ADCY8: variants seen among roughly 807,000 people sequenced by gnomAD.
The protein encoded by ADCY8 is adenylate cyclase type 8.
ADCY8 carries 51 observed loss-of-function variants against 119.7 expected under a neutral mutation model. The observed-to-expected ratio is 0.43, with a 90% CI of 0.34 to 0.54. The LOEUF (loss-of-function observed/expected upper bound fraction) is 0.54. Ranked by LOEUF, ADCY8 falls within the 20% of genes least tolerant of loss-of-function variation. ADCY8 has a pLI of 0.03. For synonymous variants in ADCY8, 665 were observed against 651.0 expected, an observed-to-expected ratio of 1.02 and a Z score of -0.33; for missense variants, 1,383 against 1,598.8, an observed-to-expected ratio of 0.87 and a Z score of 2.30.
At chr8:130,793,938 T>G (rs1221418684) in intron 15 of ADCY8, among the ~76,000 whole-genome samples, 4 of 152,178 alleles carry the variant, frequency 2.6e-5, no homozygotes, top group African/African-American at 9.7e-5. Flanking sequence ...AATAAGTTTT[T>G]TGCAGAGTAA....
intron 2 of ADCY8, among the ~76,000 whole-genome samples, chr8:130,990,024 G>GA (rs113728874): frequency 7.2e-5 from 11 of 151,836 alleles, no homozygotes; most frequent in South Asian, 2.1e-4. Flanking sequence ...TTGGTAAACA[G>GA]AAAAAAAATG....
chr8:130,832,539 A>G (rs963129956), intron 12 of ADCY8, among the ~76,000 whole-genome samples: 3 of 152,198 alleles, frequency 2.0e-5, no homozygotes, highest in Non-Finnish European at 4.4e-5. Flanking sequence ...GATTTATAAT[A>G]CAGCTGAGAT....
At chr8:131,035,329 C>T (rs1032416701) in intron 1 of ADCY8, among the ~76,000 whole-genome samples, 6 of 152,090 alleles carry the variant, frequency 3.9e-5, no homozygotes, top group South Asian at 2.1e-4. Context: ...GAAAGTTTCT[C>T]GGTCTTTCCG....
chr8:130,822,567 CA>C, intron 12 of ADCY8, among the ~76,000 whole-genome samples: 1 of 151,110 alleles, frequency 6.6e-6, no homozygotes, highest in Non-Finnish European at 1.5e-5. Flanking sequence ...TCCATCCATC[CA>C]TCCATCCATC....
At chr8:130,873,862 T>C (rs1818456856) in intron 8 of ADCY8, among the ~76,000 whole-genome samples, 1 of 152,130 alleles carries the variant, frequency 6.6e-6, no homozygotes, top group Admixed American at 6.5e-5. Flanking sequence ...CTAGCACATC[T>C]TTTATTAGTA....
intron 14 of ADCY8, among the ~76,000 whole-genome samples, chr8:130,812,786 ATATG>A (rs1397569349): frequency 1.3e-5 from 2 of 152,226 alleles, no homozygotes; most frequent in African/African-American, 4.8e-5. Flanking sequence ...ATATACACAC[ATATG>A]TATGTATATG....
intron 2 of ADCY8, among the ~76,000 whole-genome samples, chr8:130,953,241 A>T (rs554933754): frequency 2.6e-5 from 4 of 152,308 alleles, no homozygotes; most frequent in African/African-American, 9.6e-5. Context: ...GAGGCATATC[A>T]CTATAGAGAG....
chr8:130,943,501 T>C (rs1352506193), intron 3 of ADCY8, 39 bp from the exon 4 acceptor site: 1 of 650,094 alleles, frequency 1.5e-6, no homozygotes, highest in Non-Finnish European at 2.8e-6. Context: ...GGGGAGGAAG[T>C]ATATTAATAT....
At chr8:130,897,494 T>C (rs1380615123) in intron 7 of ADCY8, among the ~76,000 whole-genome samples, 5 of 151,780 alleles carry the variant, frequency 3.3e-5, no homozygotes, top group Admixed American at 2.0e-4. Context: ...GGCTGCCTAG[T>C]GTTGCCTTGT....
chr8:130,978,954 G>T (rs1008327643), intron 2 of ADCY8, among the ~76,000 whole-genome samples: 1 of 152,146 alleles, frequency 6.6e-6, no homozygotes, highest in Admixed American at 6.5e-5. Context: ...TCAAACAAGC[G>T]TACTAGATGG....
chr8:130,970,838 C>A (rs1247443491), intron 2 of ADCY8, among the ~76,000 whole-genome samples: 1 of 152,114 alleles, frequency 6.6e-6, no homozygotes, highest in Non-Finnish European at 1.5e-5. Flanking sequence ...TCTGAGTATC[C>A]AGTGAGGTTA....
intron 9 of ADCY8, among the ~76,000 whole-genome samples, chr8:130,863,815 C>T (rs1005138422): frequency 2.6e-5 from 4 of 152,148 alleles, no homozygotes; most frequent in Non-Finnish European, 5.9e-5. Context: ...TATTTATAAC[C>T]ACCAAATACA....
In ADCY8 at chr8:130,857,402, A is replaced by G. The variant is rs369220648; in HGVS notation, c.2211-7599T>C. Among the ~76,000 whole-genome samples, 62 of 152,220 alleles carry G rather than the reference A, an allele frequency of 4.1e-4. No individual in the cohort carries two copies. In the South Asian group the frequency reaches 0.01, roughly 25 times the overall value. Reference sequence around the variant, plus strand: ...AGTTTAGTCTCATCCATTTTTATTAAATCTGATTTGTCTTTTAAATCTTAA... The same window carrying G: ...AGTTTAGTCTCATCCATTTTTATTAGATCTGATTTGTCTTTTAAATCTTAA... On this transcript the variant is annotated intron_variant, in intron 9 of 17. Transcript: ENST00000286355.
At chr8:130,893,158 C>T (rs181976760) in intron 7 of ADCY8, among the ~76,000 whole-genome samples, 13 of 152,128 alleles carry the variant, frequency 8.5e-5, no homozygotes, top group Admixed American at 3.9e-4. Context: ...CATTTAGATC[C>T]GACCACTTTG....
At chr8:130,783,850 G>A (rs747497826) in intron 16 of ADCY8, 45 bp from the exon 17 acceptor site, 31 of 1,475,994 alleles carry the variant, frequency 2.1e-5, no homozygotes, top group Non-Finnish European at 2.8e-5. Flanking sequence ...GCGGAATGTG[G>A]GGGAACATTA....
chr8:130,925,170 A>G (rs896144402), intron 5 of ADCY8, among the ~76,000 whole-genome samples: 13 of 152,244 alleles, frequency 8.5e-5, no homozygotes, highest in African/African-American at 3.1e-4. Flanking sequence ...GCGCCACTGC[A>G]CTCCAGCCCG....
chr8:130,867,429 G>C (rs1390469312), intron 9 of ADCY8, among the ~76,000 whole-genome samples: 1 of 152,182 alleles, frequency 6.6e-6, no homozygotes, highest in Non-Finnish European at 1.5e-5. Context: ...GTAGAACAGT[G>C]GCTGGCCACA....
chr8:131,007,508 C>T (rs1823159612), intron 1 of ADCY8, among the ~76,000 whole-genome samples: 1 of 152,100 alleles, frequency 6.6e-6, no homozygotes, highest in Admixed American at 6.5e-5. Flanking sequence ...ATTCTCTCCC[C>T]CACCAAAAAA....
chr8:130,928,369 G>C (rs915500470), intron 5 of ADCY8, among the ~76,000 whole-genome samples: 1 of 152,084 alleles, frequency 6.6e-6, no homozygotes, highest in African/African-American at 2.4e-5. Flanking sequence ...TGCTGCACTT[G>C]GCCTAACTTT....
Sources: allele counts gnomAD v4.1 joint callset (sites outside exome capture counted in the v4.1 genomes callset), GRCh38; gene constraint gnomAD v4.1.1; transcripts MANE v1.5; gene names NCBI Gene and HGNC (gene_info 2026-07-23, HGNC 2026-07-21).